The following PP2D1 variants were observed in gnomAD, a reference collection of about 807,000 sequenced individuals.
PP2D1 encodes the protein protein phosphatase 2C-like domain-containing protein 1.
In PP2D1, 25 loss-of-function variants were observed where a neutral mutation model predicts 30.2. That is an observed-to-expected ratio of 0.83 (90% confidence interval 0.60 to 1.16). The LOEUF is 1.16. PP2D1 is among the 50% of genes most tolerant of loss of function. The pLI, the probability that PP2D1 is intolerant of heterozygous loss-of-function variation, is 0.00. For synonymous variants in PP2D1, 260 were observed against 258.9 expected, an observed-to-expected ratio of 1.00 and a Z score of -0.04; for missense variants, 760 against 742.4, an observed-to-expected ratio of 1.02 and a Z score of -0.28.
intron 1 of PP2D1, among the ~76,000 whole-genome samples, chr3:20,003,446 A>G (rs751409456): frequency 4.0e-5 from 6 of 151,774 alleles, no homozygotes; most frequent in Non-Finnish European, 8.8e-5. Context: ...TAATTTTTTA[A>G]TAAAAATAAA....
chr3:19,980,353 T>G (rs1333927845), downstream of PP2D1, among the ~76,000 whole-genome samples: 2 of 152,224 alleles, frequency 1.3e-5, no homozygotes, highest in African/African-American at 4.8e-5. Context: ...GTTTTTTGTT[T>G]TTTTCTGAAA....
downstream of PP2D1, chr3:19,983,928 T>TTA: frequency 1.3e-6 from 1 of 763,218 alleles, no homozygotes; most frequent in South Asian, 1.8e-5. Flanking sequence ...AAGAAGAGAC[T>TTA]TATGATAGAG....
chr3:20,007,768 CAAAA>C (rs771502856), intron 1 of PP2D1: 3 of 76,152 alleles, frequency 3.9e-5, no homozygotes, highest in African/African-American at 8.6e-5. Flanking sequence ...AAATCCGTCT[CAAAA>C]AAAAAAAAAA....
chr3:20,001,305 G>A lies in PP2D1; in HGVS notation c.815C>T (p.Thr272Ile). 6.5e-7 allele frequency: 1 copy of A among 1,535,748 alleles called. No homozygotes were observed. Among genetic ancestry groups the A allele is most frequent in the Non-Finnish European group, 8.7e-7 (1 of 1,146,614 alleles). The change falls in exon 2 of 3, where the codon ACA becomes ATA. Residue 272 changes from threonine (T) to isoleucine (I), a missense_variant. Thr to Ile is a moderately conservative substitution (Grantham distance 89, BLOSUM62 -1). This residue lies in a region of PP2D1 where 374 missense variants were observed against 388.8 expected (regional missense o/e 0.96). Transcript: ENST00000389050. ...IEDLFSAINK[T>I]EAVRCEYEDT... ...CTCATACTCACACCTCACTGCTTCTGTTTTGTTTATGGCAGAAAAGAGGTC... is the reference window on the plus strand; with the variant it reads ...CTCATACTCACACCTCACTGCTTCTATTTTGTTTATGGCAGAAAAGAGGTC...
chr3:20,006,619 G>A (rs62241329), intron 1 of PP2D1, among the ~76,000 whole-genome samples: 16,607 of 151,928 alleles, frequency 0.11, 1,238 homozygotes, highest in Non-Finnish European at 0.16. Context: ...GCACCACCAC[G>A]CCTGGCTAAT....
intron 2 of PP2D1, among the ~76,000 whole-genome samples, chr3:19,998,609 T>G (rs1016074412): frequency 6.6e-6 from 1 of 152,278 alleles, no homozygotes; most frequent in Middle Eastern, 3.4e-3. Flanking sequence ...TAGATAAACA[T>G]TTTTAAAAAG....
At chr3:19,997,130 T>C (rs1697190808) in intron 2 of PP2D1, among the ~76,000 whole-genome samples, 1 of 150,540 alleles carries the variant, frequency 6.6e-6, no homozygotes, top group Non-Finnish European at 1.5e-5. Context: ...TGTTGAAATT[T>C]TATCAACAAT....
chr3:19,980,970 A>G (rs768164291), downstream of PP2D1, among the ~76,000 whole-genome samples: 1 of 152,200 alleles, frequency 6.6e-6, no homozygotes, highest in Non-Finnish European at 1.5e-5. Flanking sequence ...CAACTAGGCA[A>G]TCCGATCTCA....
intron 2 of PP2D1, among the ~76,000 whole-genome samples, chr3:19,999,741 C>G (rs917615879): frequency 6.6e-6 from 1 of 152,116 alleles, no homozygotes; most frequent in Non-Finnish European, 1.5e-5. Flanking sequence ...CATAATTTGT[C>G]ATATTAATTT....
intron 2 of PP2D1, among the ~76,000 whole-genome samples, chr3:20,000,420 T>C (rs1472811150): frequency 6.6e-6 from 1 of 152,212 alleles, no homozygotes; most frequent in African/African-American, 2.4e-5. Flanking sequence ...TCAATTTTGC[T>C]AAAAAGTTTT....
rs1043971708 is a variant in PP2D1, at chr3:19,985,575, T to C, written c.1698A>G (p.Lys566=). The C allele has an allele frequency of 3.1e-5, 47 of 1,535,978 alleles. No homozygotes were observed. The highest frequency in any genetic ancestry group is 3.7e-5 in the Non-Finnish European group (42 of 1,146,874). ...TTACACTAGTTGGTCTGTCAGTTACTTTTTCACTGCAAGGTTTACGATGAG... is the reference window on the plus strand; with the variant it reads ...TTACACTAGTTGGTCTGTCAGTTACCTTTTCACTGCAAGGTTTACGATGAG... The part of the protein sequence containing the change: ...ETTHRKPCSE[K]VTDRPTSVND... The change falls in exon 3 of 3, where the codon AAA becomes AAG. Residue 566 remains lysine (K), a synonymous_variant. Coordinates refer to ENST00000389050, the MANE Select transcript of PP2D1 (RefSeq NM_001252657.2).
At chr3:20,011,748 G>A (rs905248597) in intron 1 of PP2D1, among the ~76,000 whole-genome samples, 2 of 151,988 alleles carry the variant, frequency 1.3e-5, no homozygotes, top group African/African-American at 2.4e-5. Context: ...GCAGTGAGCC[G>A]AGATCGCGCC....
Position 19,985,414 on chromosome 3 carries a change from A to C in PP2D1, c.1859T>G (p.Phe620Cys). The stretch of plus-strand genomic sequence containing the variant: ...AAGCTGATATTCACTTCCATTGAGA[A>C]ATATTACCATAACTGTAATGTTGTC... The part of the protein sequence containing the change: ...SRDNITVMVI[F>C]LNGSEYQLLT The change falls in exon 3 of 3, where the codon TTT (phenylalanine) becomes TGT (cysteine). Residue 620 changes from phenylalanine to cysteine, a missense_variant. Transcript: ENST00000389050. 1 of 1,533,706 alleles carries C rather than the reference A, an allele frequency of 6.5e-7. No individual in the cohort carries two copies. The highest frequency in any genetic ancestry group is 2.4e-5 in the East Asian group (1 of 40,862).
chr3:19,985,068 C>G (rs975474759), downstream of PP2D1: 14 of 256,362 alleles, frequency 5.5e-5, no homozygotes, highest in Admixed American at 7.0e-4. Flanking sequence ...TGTTGGACTG[C>G]TAGGAGAACT....
In PP2D1 at chr3:20,005,997, C is replaced by A. The variant is rs551942592; in HGVS notation, c.24-3901G>T. Among the ~76,000 whole-genome samples, 20 of 152,226 alleles carry A rather than the reference C, an allele frequency of 1.3e-4. No individual in the cohort carries two copies. In the South Asian group the frequency reaches 4.1e-3, roughly 32 times the overall value. ...TGCAGTGGCTCACGCATAATCCCAGCACTTTGGGAGGCCAAGGCAGGTGGG... is the reference window on the plus strand; with the variant it reads ...TGCAGTGGCTCACGCATAATCCCAGAACTTTGGGAGGCCAAGGCAGGTGGG... On this transcript the variant is annotated intron_variant, in intron 1 of 2. Coordinates refer to ENST00000389050, the MANE Select transcript of PP2D1 (RefSeq NM_001252657.2).
rs965511460 is a variant in PP2D1 at position 20,001,550 on chromosome 3, A to G, written c.570T>C (p.Thr190=). ...GTTTGTTACCAAAATTACTCACTAC[A>G]GTGAATTTATCATTCATGTCAGCTT... The part of the protein sequence containing the change: ...TWKADMNDKF[T]VVSNFGNKPN... Residue 190 remains threonine, a synonymous_variant, in exon 2 of 3, where the codon ACT becomes ACC. Coordinates refer to ENST00000389050, the MANE Select transcript of PP2D1 (RefSeq NM_001252657.2). 1 of 1,536,270 alleles carries G rather than the reference A, an allele frequency of 6.5e-7. No individual in the cohort carries two copies. Among genetic ancestry groups the G allele is most frequent in the Non-Finnish European group, 8.7e-7 (1 of 1,146,946 alleles).
chr3:19,982,540 G>A (rs554891978), downstream of PP2D1, among the ~76,000 whole-genome samples: 7 of 152,206 alleles, frequency 4.6e-5, no homozygotes, highest in South Asian at 1.0e-3. Flanking sequence ...ACTCTGCAAG[G>A]TGTAAGTTTC....
chr3:20,008,564 T>G (rs775076416), intron 1 of PP2D1, among the ~76,000 whole-genome samples: 4 of 152,014 alleles, frequency 2.6e-5, no homozygotes, highest in Admixed American at 6.6e-5. Context: ...TGAAACTCTG[T>G]CTCAAAACAA....
intron 1 of PP2D1, among the ~76,000 whole-genome samples, chr3:20,003,948 A>G (rs1344303813): frequency 3.9e-5 from 6 of 152,190 alleles, no homozygotes; most frequent in Non-Finnish European, 7.3e-5. Context: ...GTAAAAAGTT[A>G]CTGTAAGCTA....
Sources: gnomAD v4.1 joint callset for allele counts (sites outside exome capture counted in the v4.1 genomes callset) on GRCh38, gnomAD v4.1.1 for gene constraint, gnomAD v4.1.1 regional missense constraint, MANE v1.5 for transcripts, NCBI Gene and HGNC (gene_info 2026-07-23, HGNC 2026-07-21) for gene names.